CACNG3: variants seen among roughly 807,000 people sequenced by gnomAD.
CACNG3 encodes the protein calcium voltage-gated channel auxiliary subunit gamma 3.
Under a neutral mutation model 28.5 loss-of-function variants are expected in CACNG3, and 3 were observed. That is an observed-to-expected ratio of 0.11 (90% CI 0.05 to 0.27). CACNG3 has a LOEUF of 0.27. Ranked by LOEUF, CACNG3 falls within the 10% of genes least tolerant of loss-of-function variation. The pLI, the probability that CACNG3 is intolerant of heterozygous loss-of-function variation, is 1.00. For missense variants in CACNG3, 236 were observed against 414.4 expected (o/e 0.57, Z 3.74); for synonymous variants, 174 against 162.2 (o/e 1.07, Z -0.55).
At position 24,334,587 on chromosome 16, in the gene CACNG3, C is replaced by T. The variant is rs1329120656; in HGVS notation, c.212-12147C>T. Among the ~76,000 whole-genome samples, 4 of 152,194 alleles carry T rather than the reference C, an allele frequency of 2.6e-5. No individual in the cohort carries two copies. In the South Asian group the frequency reaches 6.2e-4, roughly 24 times the overall value. ...CATCCTGGGGAAACCTGTCTCCACT[C>T]CCCATTTAGGATCTCCCTTCAGGAC... On this transcript the variant is annotated intron_variant, in intron 1 of 3. Transcript: ENST00000005284.
chr16:24,320,096 A>C (rs1409686699), intron 1 of CACNG3, among the ~76,000 whole-genome samples: 1 of 152,240 alleles, frequency 6.6e-6, no homozygotes, highest in Non-Finnish European at 1.5e-5. Context: ...CTTTCACAAG[A>C]GAAATGTAAC....
intron 1 of CACNG3, among the ~76,000 whole-genome samples, chr16:24,342,125 G>C (rs140747027): frequency 6.6e-6 from 1 of 151,948 alleles, no homozygotes; most frequent in African/African-American, 2.4e-5. Flanking sequence ...AAAATCAGCC[G>C]GGCATGGTGG....
chr16:24,291,530 G>T (rs906803844), intron 1 of CACNG3, among the ~76,000 whole-genome samples: 29 of 152,158 alleles, frequency 1.9e-4, no homozygotes, highest in African/African-American at 6.8e-4. Flanking sequence ...GGCATATAAG[G>T]ACCTGGGGCT....
chr16:24,274,744 C>T (rs535796650), intron 1 of CACNG3, among the ~76,000 whole-genome samples: 2 of 152,142 alleles, frequency 1.3e-5, no homozygotes, highest in Non-Finnish European at 2.9e-5. Flanking sequence ...GAGCCATTAG[C>T]ACTTAAGTTA....
intron 1 of CACNG3, among the ~76,000 whole-genome samples, chr16:24,312,570 C>T (rs894737329): frequency 6.6e-6 from 1 of 152,084 alleles, no homozygotes; most frequent in Non-Finnish European, 1.5e-5. Context: ...AATCCCAGCA[C>T]CCTGGGAGGT....
intron 1 of CACNG3, among the ~76,000 whole-genome samples, chr16:24,337,037 C>T (rs1017681029): frequency 3.9e-5 from 6 of 152,106 alleles, no homozygotes; most frequent in South Asian, 4.2e-4. Context: ...TAGTCTTGAA[C>T]TCCTGGGCTC....
chr16:24,353,775 C>T (rs1277751461), intron 2 of CACNG3, among the ~76,000 whole-genome samples: 5 of 152,224 alleles, frequency 3.3e-5, no homozygotes, highest in Non-Finnish European at 1.5e-5. Context: ...ATACTCTCTA[C>T]TATGCAAATG....
At chr16:24,273,049 A>C (rs7192926) in intron 1 of CACNG3, among the ~76,000 whole-genome samples, 2 of 151,842 alleles carry the variant, frequency 1.3e-5, no homozygotes, top group African/African-American at 4.8e-5. Context: ...CTATGTGTCC[A>C]TGTGTTCTCA....
At chr16:24,270,661 T>C (rs985390873) in intron 1 of CACNG3, among the ~76,000 whole-genome samples, 1 of 152,214 alleles carries the variant, frequency 6.6e-6, no homozygotes, top group Non-Finnish European at 1.5e-5. Flanking sequence ...CCCAGGATGA[T>C]TTTCCAGTTA....
chr16:24,318,154 T>TTAACA (rs558457937), intron 1 of CACNG3, among the ~76,000 whole-genome samples: 50 of 152,326 alleles, frequency 3.3e-4, no homozygotes, highest in African/African-American at 1.1e-3. Flanking sequence ...GGTATGGTGC[T>TTAACA]TAACACGTAG....
intron 1 of CACNG3, among the ~76,000 whole-genome samples, chr16:24,324,272 T>G (rs953010972): frequency 6.6e-5 from 10 of 152,190 alleles, no homozygotes; most frequent in African/African-American, 2.4e-4. Flanking sequence ...GGATACAGAA[T>G]TCAGCCCACA....
intron 3 of CACNG3, among the ~76,000 whole-genome samples, chr16:24,360,247 C>T (rs1431858589): frequency 2.6e-5 from 4 of 151,214 alleles, no homozygotes; most frequent in Non-Finnish European, 4.4e-5. Context: ...AACAAAGGGA[C>T]AAAAAAAAAG....
chr16:24,263,340 T>C (rs991854934), intron 1 of CACNG3, among the ~76,000 whole-genome samples: 2 of 152,248 alleles, frequency 1.3e-5, no homozygotes, highest in Non-Finnish European at 2.9e-5. Flanking sequence ...CACTGCTGAA[T>C]TGAACAAAAC....
intron 1 of CACNG3, among the ~76,000 whole-genome samples, chr16:24,303,682 C>T (rs186728010): frequency 6.6e-5 from 10 of 152,152 alleles, no homozygotes; most frequent in Admixed American, 2.6e-4. Context: ...AATTGGGAGG[C>T]GGAGACAGGT....
chr16:24,326,183 T>C (rs1026685818), intron 1 of CACNG3, among the ~76,000 whole-genome samples: 3 of 151,516 alleles, frequency 2.0e-5, no homozygotes, highest in Admixed American at 6.6e-5. Flanking sequence ...TCTTTTTTTT[T>C]TTTTTGAGAT....
chr16:24,330,293 G>A (rs1390761985), intron 1 of CACNG3, among the ~76,000 whole-genome samples: 1 of 152,176 alleles, frequency 6.6e-6, no homozygotes, highest in African/African-American at 2.4e-5. Context: ...CTTGCTTGTA[G>A]GGAGACCTCA....
At chr16:24,318,568 C>A (rs1899418367) in intron 1 of CACNG3, among the ~76,000 whole-genome samples, 1 of 152,166 alleles carries the variant, frequency 6.6e-6, no homozygotes, top group African/African-American at 2.4e-5. Context: ...GGTCTCACTT[C>A]CAGCCAAAAC....
chr16:24,274,520 G>GT (rs1898730060), intron 1 of CACNG3, among the ~76,000 whole-genome samples: 2 of 152,250 alleles, frequency 1.3e-5, no homozygotes, highest in African/African-American at 4.8e-5. Context: ...TCAGGTCATG[G>GT]TTACCACTGC....
chr16:24,353,923 T>TCATATA (rs1899994325), intron 2 of CACNG3, among the ~76,000 whole-genome samples: 2 of 152,178 alleles, frequency 1.3e-5, no homozygotes, highest in African/African-American at 4.8e-5. Context: ...CCGGGTGCAG[T>TCATATA]GGCTCATGCC....
Sources: gnomAD v4.1 joint callset for allele counts (sites outside exome capture counted in the v4.1 genomes callset) on GRCh38, gnomAD v4.1.1 for gene constraint, MANE v1.5 for transcripts, NCBI Gene and HGNC (gene_info 2026-07-23, HGNC 2026-07-21) for gene names.